The following PPM1H variants were observed in gnomAD, a reference collection of about 807,000 sequenced individuals.
The protein encoded by PPM1H is protein phosphatase 1H.
In PPM1H, 27 loss-of-function variants were observed where a neutral mutation model predicts 54.9. The observed-to-expected ratio is 0.49, with a 90% CI of 0.36 to 0.68. The LOEUF (loss-of-function observed/expected upper bound fraction) is 0.68, where lower values mean the gene tolerates loss of function less well. Ranked by LOEUF, PPM1H falls within the 30% of genes least tolerant of loss-of-function variation. The pLI is 0.00. For missense variants in PPM1H, 596 were observed against 667.8 expected (o/e 0.89, Z 1.19); for synonymous variants, 305 against 270.8 (o/e 1.13, Z -1.24).
intron 4 of PPM1H, among the ~76,000 whole-genome samples, chr12:62,773,811 G>A (rs1284943324): frequency 6.6e-6 from 1 of 152,160 alleles, no homozygotes; most frequent in African/African-American, 2.4e-5. Flanking sequence ...GGGGCTTCCT[G>A]GGAAGCTTAG....
intron 8 of PPM1H, among the ~76,000 whole-genome samples, chr12:62,677,099 C>T (rs2075991813): frequency 6.6e-6 from 1 of 152,176 alleles, no homozygotes; most frequent in African/African-American, 2.4e-5. Flanking sequence ...AGGAGCTACC[C>T]ATTTTGGGTC....
At chr12:62,817,971 C>A (rs543919230) in intron 2 of PPM1H, among the ~76,000 whole-genome samples, 1 of 152,280 alleles carries the variant, frequency 6.6e-6, no homozygotes, top group African/African-American at 2.4e-5. Flanking sequence ...TGAAACCACA[C>A]ACTTTGATGT....
chr12:62,851,424 T>C (rs991833515), intron 1 of PPM1H, among the ~76,000 whole-genome samples: 4 of 152,202 alleles, frequency 2.6e-5, no homozygotes, highest in African/African-American at 9.6e-5. Flanking sequence ...TTGCTAGGGC[T>C]GGGCGCAGTG....
chr12:62,736,959 CTACA>C (rs2076352855), intron 5 of PPM1H, among the ~76,000 whole-genome samples: 1 of 152,128 alleles, frequency 6.6e-6, no homozygotes, highest in African/African-American at 2.4e-5. Flanking sequence ...AGAGAATAAT[CTACA>C]TAGAGAACTT....
At chr12:62,823,794 A>G (rs1269397002) in intron 2 of PPM1H, among the ~76,000 whole-genome samples, 1 of 152,228 alleles carries the variant, frequency 6.6e-6, no homozygotes, top group Admixed American at 6.5e-5. Context: ...CCAATATCAT[A>G]CTGAATGGGC....
At chr12:62,902,811 A>G (rs1194590740) in intron 1 of PPM1H, among the ~76,000 whole-genome samples, 1 of 152,216 alleles carries the variant, frequency 6.6e-6, no homozygotes, top group East Asian at 1.9e-4. Context: ...GAGTAGTACT[A>G]AGAAAGATAG....
chr12:62,667,460 T>C, intron 8 of PPM1H, 131 bp from the exon 9 acceptor site: 1 of 800,728 alleles, frequency 1.2e-6, no homozygotes. Flanking sequence ...TGTAGGGTAC[T>C]TGATTATACA....
At chr12:62,848,097 G>C (rs1869042870) in intron 1 of PPM1H, among the ~76,000 whole-genome samples, 1 of 152,114 alleles carries the variant, frequency 6.6e-6, no homozygotes, top group Admixed American at 6.6e-5. Flanking sequence ...TTCATAAAAA[G>C]GACCATGAGG....
chr12:62,746,598 G>C (rs1214039923), intron 4 of PPM1H, among the ~76,000 whole-genome samples: 1 of 152,164 alleles, frequency 6.6e-6, no homozygotes, highest in Admixed American at 6.5e-5. Flanking sequence ...AATGGACTAG[G>C]GGATGTCCTT....
rs1943770779 is a variant in PPM1H at position 62,644,108 on chromosome 12, C to T, written c.*4381G>A. On this transcript the variant is annotated 3_prime_UTR_variant, in exon 10 of 10. Coordinates refer to ENST00000228705, the MANE Select transcript of PPM1H (RefSeq NM_020700.2). ...AGTTTCAAAACACACAAAATAGATC[C>T]CCTTTACTAAACAGTTTTCATTTTG... 6.6e-6 allele frequency: 1 copy of T among 152,064 alleles called. No homozygotes were observed. Among genetic ancestry groups the T allele is most frequent in the Admixed American group, 6.6e-5 (1 of 15,262 alleles). The allele number at this position is 152,064 out of a possible 1,614,324, so 9.4% of individuals were successfully genotyped here.
At chr12:62,850,538 G>C (rs74234926) in intron 1 of PPM1H, among the ~76,000 whole-genome samples, 3,624 of 151,212 alleles carry the variant, frequency 0.024, 67 homozygotes, top group East Asian at 0.077. Flanking sequence ...AAAATCTAAA[G>C]AGGAAAACTG....
At chr12:62,711,371 G>A (rs775826979) in intron 6 of PPM1H, among the ~76,000 whole-genome samples, 42 of 152,276 alleles carry the variant, frequency 2.8e-4, no homozygotes, top group Admixed American at 1.6e-3. Flanking sequence ...GTGGGGATTG[G>A]CCCAGCTAGG....
At chr12:62,904,427 A>G (rs563356973) in intron 1 of PPM1H, among the ~76,000 whole-genome samples, 1 of 152,190 alleles carries the variant, frequency 6.6e-6, no homozygotes, top group East Asian at 1.9e-4. Flanking sequence ...TTTTGTAGAG[A>G]TGGGCTTTCT....
intron 1 of PPM1H, among the ~76,000 whole-genome samples, chr12:62,896,209 A>C (rs536845955): frequency 1.3e-5 from 2 of 152,226 alleles, no homozygotes; most frequent in Non-Finnish European, 2.9e-5. Flanking sequence ...CATGACTACA[A>C]CACCAAAAGC....
At chr12:62,760,966 AC>A (rs2076505315) in intron 4 of PPM1H, among the ~76,000 whole-genome samples, 6 of 152,200 alleles carry the variant, frequency 3.9e-5, no homozygotes, top group Admixed American at 3.9e-4. Flanking sequence ...GATGTTGTTT[AC>A]TTTCAGTTTA....
intron 9 of PPM1H, among the ~76,000 whole-genome samples, chr12:62,652,646 T>G (rs1309627426): frequency 6.6e-6 from 1 of 152,202 alleles, no homozygotes; most frequent in East Asian, 1.9e-4. Flanking sequence ...TTATTTCTAT[T>G]ATCAGTTATG....
At chr12:62,925,122 A>G (rs1163507782) in intron 1 of PPM1H, among the ~76,000 whole-genome samples, 2 of 152,248 alleles carry the variant, frequency 1.3e-5, no homozygotes, top group Non-Finnish European at 1.5e-5. Context: ...ATCAAATTAA[A>G]ACCATGTCTA....
chr12:62,928,834 T>C (rs1872049007), intron 1 of PPM1H, among the ~76,000 whole-genome samples: 1 of 152,210 alleles, frequency 6.6e-6, no homozygotes, highest in Non-Finnish European at 1.5e-5. Context: ...CCTCACACTC[T>C]ACTCTTTGCC....
At chr12:62,899,254 G>A (rs964703620) in intron 1 of PPM1H, among the ~76,000 whole-genome samples, 3 of 151,924 alleles carry the variant, frequency 2.0e-5, no homozygotes, top group Non-Finnish European at 4.4e-5. Flanking sequence ...GGCGATAGGT[G>A]CCCATGACAA....
Sources: gnomAD v4.1 joint callset for allele counts (sites outside exome capture counted in the v4.1 genomes callset) on GRCh38, gnomAD v4.1.1 for gene constraint, MANE v1.5 for transcripts, NCBI Gene and HGNC (gene_info 2026-07-23, HGNC 2026-07-21) for gene names.